RASGRF2: variants seen among roughly 807,000 people sequenced by gnomAD.
The protein encoded by RASGRF2 is Ras protein specific guanine nucleotide releasing factor 2.
In RASGRF2, 76 loss-of-function variants were observed where a neutral mutation model predicts 151.0. That is an observed-to-expected ratio of 0.50 (90% CI 0.42 to 0.61). The LOEUF (loss-of-function observed/expected upper bound fraction) is 0.61. RASGRF2 is among the 20% of genes least tolerant of loss of function. RASGRF2 has a pLI of 0.00. For missense variants in RASGRF2, 1,148 were observed against 1,564.6 expected (o/e 0.73, Z 4.49); for synonymous variants, 504 against 566.5 (o/e 0.89, Z 1.57).
intron 17 of RASGRF2, among the ~76,000 whole-genome samples, chr5:81,131,105 C>CG (rs1753605336): frequency 6.6e-6 from 1 of 152,184 alleles, no homozygotes; most frequent in South Asian, 2.1e-4. Flanking sequence ...TATATTAAAC[C>CG]ATGTCTCTTT....
chr5:81,206,264 G>C (rs1414443150), intron 19 of RASGRF2, among the ~76,000 whole-genome samples: 1 of 152,076 alleles, frequency 6.6e-6, no homozygotes, highest in Admixed American at 6.5e-5. Context: ...ATGAGATTCA[G>C]GGCCAAAAGT....
At chr5:81,134,113 T>TGTGTGTGTGA (rs1429600235) in intron 17 of RASGRF2, among the ~76,000 whole-genome samples, 1 of 150,756 alleles carries the variant, frequency 6.6e-6, no homozygotes, top group African/African-American at 2.4e-5. Context: ...TGTGTGTGAG[T>TGTGTGTGTGA]GAATATTTTA....
At chr5:81,015,331 G>A (rs936466137) in intron 1 of RASGRF2, among the ~76,000 whole-genome samples, 21 of 152,048 alleles carry the variant, frequency 1.4e-4, no homozygotes, top group African/African-American at 5.1e-4. Context: ...AGATCCTTGA[G>A]GAATCGCCAC....
At chr5:81,057,159 T>C (rs566387439) in intron 2 of RASGRF2, among the ~76,000 whole-genome samples, 98 of 152,336 alleles carry the variant, frequency 6.4e-4, no homozygotes, top group African/African-American at 2.2e-3. Context: ...ATGTGTGAAT[T>C]TGATCCTGTC....
chr5:81,150,669 C>T (rs946985395), intron 17 of RASGRF2, among the ~76,000 whole-genome samples: 26 of 152,258 alleles, frequency 1.7e-4, no homozygotes, highest in African/African-American at 5.3e-4. Context: ...CACAAGCACA[C>T]GACTCCCCAG....
chr5:81,205,432 G>C (rs750541866), intron 19 of RASGRF2, among the ~76,000 whole-genome samples: 14 of 152,220 alleles, frequency 9.2e-5, no homozygotes, highest in Non-Finnish European at 1.9e-4. Context: ...ATTATCTGCT[G>C]TCCTGTATAA....
At chr5:81,198,305 C>A (rs992118541) in intron 18 of RASGRF2, among the ~76,000 whole-genome samples, 1 of 152,138 alleles carries the variant, frequency 6.6e-6, no homozygotes, top group East Asian at 1.9e-4. Context: ...TCCACTGTCG[C>A]CATCTTTATG....
At chr5:81,085,167 A>G (rs1351471637) in intron 7 of RASGRF2, among the ~76,000 whole-genome samples, 2 of 152,230 alleles carry the variant, frequency 1.3e-5, no homozygotes, top group Non-Finnish European at 2.9e-5. Flanking sequence ...TTGTGTCACT[A>G]GAAATTAGGT....
At chr5:81,139,894 C>T (rs1753843288) in intron 17 of RASGRF2, among the ~76,000 whole-genome samples, 1 of 152,158 alleles carries the variant, frequency 6.6e-6, no homozygotes, top group Admixed American at 6.5e-5. Context: ...GTGACACAAT[C>T]ATGGCTCACT....
At chr5:80,961,090 T>C (rs888821) in intron 1 of RASGRF2, 64 bp downstream of exon 1, 326,732 of 1,383,322 alleles carry the variant, frequency 0.24, 40,683 homozygotes, top group Middle Eastern at 0.29. Flanking sequence ...GCCGTCCTAA[T>C]CCGGGGATCA....
At position 81,168,872 on chromosome 5, in the gene RASGRF2, C is replaced by T. The variant is rs139326827; in HGVS notation, c.2687-11303C>T. ...CATTTGACACAGCGATCACTTCTTCCTTGTTGAAATATTTCCTGTCCTCTT... is the reference window on the plus strand; with the variant it reads ...CATTTGACACAGCGATCACTTCTTCTTTGTTGAAATATTTCCTGTCCTCTT... On this transcript the variant is annotated intron_variant, in intron 17 of 26. Transcript: ENST00000265080. Among the ~76,000 whole-genome samples the T allele has an allele frequency of 6.6e-4, 101 of 152,310 alleles. 1 individual carries two copies. The East Asian group carries it at 0.019, about 29-fold the overall frequency.
chr5:81,083,981 C>G (rs2112483709), intron 7 of RASGRF2, among the ~76,000 whole-genome samples: 1 of 152,340 alleles, frequency 6.6e-6, no homozygotes, highest in Middle Eastern at 3.4e-3. Flanking sequence ...CTTGAAGATA[C>G]AGATGAGCCC....
chr5:81,208,289 C>A, intron 21 of RASGRF2, 65 bp from the exon 22 acceptor site: 1 of 1,378,572 alleles, frequency 7.3e-7, no homozygotes, highest in Non-Finnish European at 1.0e-6. Flanking sequence ...TGACAACTGT[C>A]CAGGATCATA....
At chr5:81,009,346 C>T (rs1378233274) in intron 1 of RASGRF2, among the ~76,000 whole-genome samples, 1 of 152,150 alleles carries the variant, frequency 6.6e-6, no homozygotes, top group Non-Finnish European at 1.5e-5. Context: ...CAGATGTAAG[C>T]TTCTAGAGGG....
At chr5:81,096,695 C>A (rs1175650314) in intron 12 of RASGRF2, among the ~76,000 whole-genome samples, 1 of 151,974 alleles carries the variant, frequency 6.6e-6, no homozygotes, top group African/African-American at 2.4e-5. Flanking sequence ...AGAGAAAGAC[C>A]CTTGGAGTGC....
At chr5:81,187,692 C>T (rs1306699737) in intron 18 of RASGRF2, among the ~76,000 whole-genome samples, 1 of 152,208 alleles carries the variant, frequency 6.6e-6, no homozygotes, top group African/African-American at 2.4e-5. Flanking sequence ...AAAGTGGGGA[C>T]ATGCCCTCTG....
intron 7 of RASGRF2, among the ~76,000 whole-genome samples, chr5:81,081,341 G>A (rs1752080079): frequency 1.3e-5 from 2 of 152,150 alleles, no homozygotes; most frequent in Admixed American, 6.5e-5. Context: ...CAGAAGGCAC[G>A]GGTGGGACCT....
At chr5:81,113,088 G>A (rs1753046612) in intron 14 of RASGRF2, among the ~76,000 whole-genome samples, 1 of 151,880 alleles carries the variant, frequency 6.6e-6, no homozygotes, top group Non-Finnish European at 1.5e-5. Flanking sequence ...CTTGTTCTGT[G>A]ATTATTTGTA....
chr5:81,202,935 A>G (rs2112717021), intron 19 of RASGRF2, among the ~76,000 whole-genome samples: 1 of 152,314 alleles, frequency 6.6e-6, no homozygotes, highest in African/African-American at 2.4e-5. Flanking sequence ...TCGATTACAG[A>G]CCTCTGTCTG....
Sources: gnomAD v4.1 joint callset for allele counts (sites outside exome capture counted in the v4.1 genomes callset) on GRCh38, gnomAD v4.1.1 for gene constraint, MANE v1.5 for transcripts, NCBI Gene and HGNC (gene_info 2026-07-23, HGNC 2026-07-21) for gene names.